STK17A: variants seen among roughly 807,000 people sequenced by gnomAD.
STK17A encodes the protein serine/threonine-protein kinase 17A.
STK17A carries 26 observed loss-of-function variants against 43.7 expected under a neutral mutation model. The observed-to-expected ratio is 0.60, with a 90% CI of 0.44 to 0.83. The LOEUF (loss-of-function observed/expected upper bound fraction) is 0.83, where lower values mean the gene tolerates loss of function less well. Among genes scored for constraint, STK17A ranks in the 40% least tolerant of loss-of-function variants. The pLI, the probability that STK17A is intolerant of heterozygous loss-of-function variation, is 0.00. For synonymous variants in STK17A, 191 were observed against 182.5 expected, an observed-to-expected ratio of 1.05 and a Z score of -0.38; for missense variants, 476 against 511.6, an observed-to-expected ratio of 0.93 and a Z score of 0.67.
chr7:43,587,147 G>GTTTTTTTTTT lies in STK17A; in HGVS notation c.206+3704_206+3705insTTTTTTTTTT, dbSNP rs202031785. On this transcript the variant is annotated intron_variant, in intron 1 of 6. Coordinates refer to ENST00000319357, the MANE Select transcript of STK17A (RefSeq NM_004760.3). ...TTTAATGAAATGATATGTTTTTATT[G>GTTTTTTTTTT]TTTTTTGTTTTTTTTTTTTTTTTTT... 9.6e-4 allele frequency among the ~76,000 whole-genome samples: 109 copies of GTTTTTTTTTT among 113,446 alleles called. 3 individuals are homozygous for GTTTTTTTTTT. Among genetic ancestry groups the GTTTTTTTTTT allele is most frequent in the Admixed American group, 1.6e-3 (16 of 10,102 alleles). The allele number at this position is 113,446 out of a possible 152,430, so 74.4% of individuals were successfully genotyped here.
intron 3 of STK17A, among the ~76,000 whole-genome samples, chr7:43,615,539 G>A (rs2083267412): frequency 6.6e-6 from 1 of 152,106 alleles, no homozygotes; most frequent in Non-Finnish European, 1.5e-5. Context: ...AAAAGTCTGA[G>A]GACTCATAGT....
At chr7:43,620,179 C>T (rs929197763) in intron 4 of STK17A, among the ~76,000 whole-genome samples, 3 of 152,120 alleles carry the variant, frequency 2.0e-5, no homozygotes, top group Non-Finnish European at 4.4e-5. Flanking sequence ...GAAAAAGGAG[C>T]TTAAACATTG....
At chr7:43,620,356 G>T (rs1356315464) in intron 4 of STK17A, among the ~76,000 whole-genome samples, 5 of 152,214 alleles carry the variant, frequency 3.3e-5, no homozygotes, top group Non-Finnish European at 5.9e-5. Flanking sequence ...CTGTGAAACT[G>T]AGAGGTTGTG....
At chr7:43,616,568 G>A (rs2083363941) in intron 3 of STK17A, among the ~76,000 whole-genome samples, 1 of 152,182 alleles carries the variant, frequency 6.6e-6, no homozygotes, top group African/African-American at 2.4e-5. Flanking sequence ...AGGGTAGGAA[G>A]GATGGTTGGA....
chr7:43,584,209 TG>T (rs1427667331), intron 1 of STK17A, among the ~76,000 whole-genome samples: 1 of 152,194 alleles, frequency 6.6e-6, no homozygotes, highest in Non-Finnish European at 1.5e-5. Context: ...TTTTGTATGC[TG>T]AAGAGGGGTG....
In STK17A at chr7:43,593,809, G is replaced by A. The variant is rs977790582; in HGVS notation, c.207-2092G>A. ...GTTTGCAAATATTTTTTCCCATTCT[G>A]TAGGTTGTCTGTTTATGCTGTTGAT... On this transcript the variant is annotated intron_variant, in intron 1 of 6. Transcript: ENST00000319357. 5.3e-5 allele frequency among the ~76,000 whole-genome samples: 8 copies of A among 151,138 alleles called. No homozygotes were observed. In the East Asian group the frequency reaches 1.5e-3, roughly 29 times the overall value.
chr7:43,585,261 A>T (rs1474917250), intron 1 of STK17A, among the ~76,000 whole-genome samples: 1 of 146,162 alleles, frequency 6.8e-6, no homozygotes, highest in Non-Finnish European at 1.5e-5. Context: ...CCACAAGGAA[A>T]ACCGGTGCAA....
intron 4 of STK17A, among the ~76,000 whole-genome samples, chr7:43,621,641 GTT>G (rs1334295273): frequency 6.6e-6 from 1 of 151,990 alleles, no homozygotes; most frequent in Non-Finnish European, 1.5e-5. Context: ...CCAGTTTTTT[GTT>G]TGTTTTTTTG....
At chr7:43,611,612 T>C (rs1442147522) in intron 3 of STK17A, among the ~76,000 whole-genome samples, 1 of 152,128 alleles carries the variant, frequency 6.6e-6, no homozygotes, top group African/African-American at 2.4e-5. Context: ...CCACCTTGCT[T>C]CCCTCGGGAA....
chr7:43,587,162 T>TG (rs1373315284), intron 1 of STK17A, among the ~76,000 whole-genome samples: 1 of 143,286 alleles, frequency 7.0e-6, no homozygotes, highest in Non-Finnish European at 1.6e-5. Flanking sequence ...TTGTTTTTTT[T>TG]TTTTTTTTTT....
At chr7:43,605,570 C>T (rs1363145304) in intron 2 of STK17A, among the ~76,000 whole-genome samples, 3 of 152,086 alleles carry the variant, frequency 2.0e-5, no homozygotes, top group Admixed American at 6.6e-5. Flanking sequence ...GCAGCTCCCT[C>T]CTCTCTGGTA....
At chr7:43,622,261 C>T (rs941458217) in intron 4 of STK17A, 2 of 152,112 alleles carry the variant, frequency 1.3e-5, no homozygotes. Context: ...TTAACATTCA[C>T]AACCTCTGTT....
chr7:43,605,233 A>C (rs776302704), intron 2 of STK17A, among the ~76,000 whole-genome samples: 1 of 152,154 alleles, frequency 6.6e-6, no homozygotes, highest in Non-Finnish European at 1.5e-5. Context: ...TTTTTGGTAA[A>C]ATGACATACA....
At chr7:43,598,851 C>T (rs1366778420) in intron 2 of STK17A, among the ~76,000 whole-genome samples, 1 of 151,018 alleles carries the variant, frequency 6.6e-6, no homozygotes, top group Non-Finnish European at 1.5e-5. Flanking sequence ...GCAACCTCTG[C>T]CTCCCAGTTC....
chr7:43,598,484 A>AG (rs2082535214), intron 2 of STK17A, among the ~76,000 whole-genome samples: 2 of 151,722 alleles, frequency 1.3e-5, no homozygotes, highest in East Asian at 3.9e-4. Flanking sequence ...AAAAAAAAAA[A>AG]AAAGGAAATA....
chr7:43,583,288 C>A lies in STK17A; in HGVS notation c.45C>A (p.Gly15=). The part of the protein sequence containing the change: ...EKPGSGGSSP[G]ATSGSGRAGR... ...CAGGCAGCGGCGGCTCCTCCCCAGG[C>A]GCCACCTCAGGCTCGGGCCGGGCAG... is the stretch of plus-strand genomic sequence containing the variant. Residue 15 remains glycine (G), a synonymous_variant, in exon 1 of 7, where the codon GGC becomes GGA. Coordinates refer to ENST00000319357, the MANE Select transcript of STK17A (RefSeq NM_004760.3). 2.6e-6 allele frequency: 4 copies of A among 1,542,156 alleles called. No individual in the cohort carries two copies. Among genetic ancestry groups the A allele is most frequent in the Non-Finnish European group, 3.5e-6 (4 of 1,147,442 alleles).
intron 1 of STK17A, among the ~76,000 whole-genome samples, chr7:43,592,842 G>C (rs753932860): frequency 6.6e-6 from 1 of 152,122 alleles, no homozygotes; most frequent in Non-Finnish European, 1.5e-5. Flanking sequence ...CTCCAGCCTG[G>C]GTGACAGAAC....
At chr7:43,607,150 T>C (rs1164209629) in intron 2 of STK17A, among the ~76,000 whole-genome samples, 1 of 151,812 alleles carries the variant, frequency 6.6e-6, no homozygotes, top group Non-Finnish European at 1.5e-5. Context: ...CTGGAATTCC[T>C]GATCTCAGGT....
At chr7:43,601,249 T>C (rs1235153574) in intron 2 of STK17A, among the ~76,000 whole-genome samples, 1 of 152,226 alleles carries the variant, frequency 6.6e-6, no homozygotes, top group East Asian at 1.9e-4. Flanking sequence ...ATGGTGTTCT[T>C]ATATTTTAAT....
Sources: allele counts gnomAD v4.1 joint callset (sites outside exome capture counted in the v4.1 genomes callset), GRCh38; gene constraint gnomAD v4.1.1; transcripts MANE v1.5; gene names NCBI Gene and HGNC (gene_info 2026-07-23, HGNC 2026-07-21).